The following ZNF544 variants were observed in gnomAD, a reference collection of about 807,000 sequenced individuals.
ZNF544 encodes zinc finger protein AF020591.
In ZNF544, 10 loss-of-function variants were observed where a neutral mutation model predicts 13.5. The observed-to-expected ratio is 0.74, with a 90% CI of 0.46 to 1.25. The LOEUF (loss-of-function observed/expected upper bound fraction) is 1.25, where lower values mean the gene tolerates loss of function less well. ZNF544 is among the 50% of genes most tolerant of loss of function. The pLI is 0.00. For synonymous variants in ZNF544, 323 were observed against 300.5 expected, an observed-to-expected ratio of 1.07 and a Z score of -0.77; for missense variants, 896 against 845.6, an observed-to-expected ratio of 1.06 and a Z score of -0.74.
chr19:58,267,850 G>A (rs371843037), downstream of ZNF544, among the ~76,000 whole-genome samples: 35 of 151,542 alleles, frequency 2.3e-4, no homozygotes, highest in African/African-American at 6.8e-4. Flanking sequence ...GCATGGTGGC[G>A]GGCACCTGTA....
chr19:58,241,613 C>T (rs746661296), intron 3 of ZNF544, among the ~76,000 whole-genome samples: 8 of 151,820 alleles, frequency 5.3e-5, no homozygotes, highest in African/African-American at 7.2e-5. Context: ...TTTCCTGCTT[C>T]GGCCTCCTGA....
intron 3 of ZNF544, chr19:58,242,249 C>T (rs877796): frequency 0.048 from 46,951 of 985,034 alleles, 1,951 homozygotes; most frequent in African/African-American, 0.2. Flanking sequence ...TCCCCAGCAC[C>T]GCAACATCTG....
chr19:58,245,241 C>T (rs2044855653), intron 4 of ZNF544, among the ~76,000 whole-genome samples: 1 of 149,220 alleles, frequency 6.7e-6, no homozygotes, highest in African/African-American at 2.5e-5. Flanking sequence ...CGCCCGACCC[C>T]CTGTCACCTT....
In ZNF544 at chr19:58,261,609, T is replaced by C. The variant is rs549248714; in HGVS notation, c.1003T>C (p.Phe335Leu). 6 of 1,614,224 alleles carry C rather than the reference T, an allele frequency of 3.7e-6. No individual in the cohort carries two copies. The South Asian group carries it at 6.6e-5, about 18-fold the overall frequency. ...CAGATGTGAGGAACGCTGTGCTGCCTTCCCCATGGCCTCATCTTTTTCTGA... is the reference window on the plus strand; with the variant it reads ...CAGATGTGAGGAACGCTGTGCTGCCCTCCCCATGGCCTCATCTTTTTCTGA... The part of the protein sequence containing the change: ...PFRCEERCAA[F>L]PMASSFSDCN... The change falls in exon 7 of 7, where the codon TTC (phenylalanine) becomes CTC (leucine). Residue 335 changes from phenylalanine (F) to leucine (L), a missense_variant. Coordinates refer to ENST00000687789, the MANE Select transcript of ZNF544 (RefSeq NM_014480.4).
chr19:58,256,445 GT>G (rs1166964293), intron 6 of ZNF544, among the ~76,000 whole-genome samples: 1 of 152,092 alleles, frequency 6.6e-6, no homozygotes, highest in African/African-American at 2.4e-5. Flanking sequence ...TTATACCTAG[GT>G]TTAGGAAGGG....
chr19:58,251,420 C>T (rs1264253672), intron 6 of ZNF544: 6 of 518,308 alleles, frequency 1.2e-5, no homozygotes, highest in African/African-American at 3.8e-5. Flanking sequence ...ATCCAACTAT[C>T]TAATCCTAGT....
chr19:58,244,892 A>G (rs755401975), intron 4 of ZNF544, among the ~76,000 whole-genome samples: 2 of 150,848 alleles, frequency 1.3e-5, no homozygotes, highest in Non-Finnish European at 3.0e-5. Flanking sequence ...CTCTTCTTAT[A>G]AGGACTCTAG....
At position 58,261,886 on chromosome 19, in the gene ZNF544, A is replaced by G. The variant is rs1250747594; in HGVS notation, c.1280A>G (p.Gln427Arg). Residue 427 changes from glutamine (Q) to arginine (R), a missense_variant, in exon 7 of 7, where the codon CAG becomes CGG. By Grantham distance (43) the Gln-to-Arg change is conservative (BLOSUM62 1). Transcript: ENST00000687789. ...FTQRSKLITH[Q>R]RIHTGEKPYQ... The stretch of plus-strand genomic sequence containing the variant: ...CAGAGATCCAAACTTATTACACATC[A>G]GCGAATTCACACTGGAGAAAAACCG... The G allele has an allele frequency of 1.2e-6, 2 of 1,613,104 alleles. No individual in the cohort carries two copies. The highest frequency in any genetic ancestry group is 1.7e-6 in the Non-Finnish European group (2 of 1,179,870).
At chr19:58,272,738 G>A (rs766400085) in intron 5 of ZNF544, among the ~76,000 whole-genome samples, 11 of 151,444 alleles carry the variant, frequency 7.3e-5, no homozygotes, top group Non-Finnish European at 1.6e-4. Flanking sequence ...GTGGTGGTGC[G>A]TGCCTGTAAA....
At chr19:58,249,007 A>T (rs2045869145) in intron 6 of ZNF544, among the ~76,000 whole-genome samples, 1 of 152,228 alleles carries the variant, frequency 6.6e-6, no homozygotes, top group Admixed American at 6.5e-5. Flanking sequence ...CTCTATGCAG[A>T]TGAAAACTAG....
intron 3 of ZNF544, chr19:58,242,384 G>C: frequency 5.4e-6 from 4 of 747,148 alleles, no homozygotes; most frequent in Non-Finnish European, 6.5e-6. Flanking sequence ...TGATATTCCA[G>C]GGAATTTTTT....
downstream of ZNF544, among the ~76,000 whole-genome samples, chr19:58,268,973 CAAG>C (rs199595686): frequency 0.01 from 1,594 of 152,196 alleles, 78 homozygotes; most frequent in Admixed American, 0.074. Flanking sequence ...TATTCTTTAA[CAAG>C]AAGGGAAACT....
intron 3 of ZNF544, among the ~76,000 whole-genome samples, chr19:58,241,144 A>AATATATATATATATTTTTAT: frequency 1.4e-5 from 1 of 73,750 alleles, no homozygotes; most frequent in Non-Finnish European, 2.6e-5. Context: ...GCCAATTTAA[A>AATATATATATATATTTTTAT]ATATATATAT....
At chr19:58,254,796 T>G (rs1568486150) in intron 6 of ZNF544, among the ~76,000 whole-genome samples, 1 of 151,864 alleles carries the variant, frequency 6.6e-6, no homozygotes, top group Non-Finnish European at 1.5e-5. Flanking sequence ...CCAAGGTTGG[T>G]GGGGTATTCT....
In ZNF544 at chr19:58,269,264, A is replaced by G. The variant is rs899259057; in HGVS notation, c.245-7059A>G. On this transcript the variant is annotated intron_variant, in intron 5 of 6. Coordinates refer to the ZNF544 transcript ENST00000595981. Reference sequence around the variant, plus strand: ...AGCCTGGCCGACATTGTGAAACCTCATCTCTAATAAAAATTCAAAAATTAG... The same window carrying G: ...AGCCTGGCCGACATTGTGAAACCTCGTCTCTAATAAAAATTCAAAAATTAG... Among the ~76,000 whole-genome samples, 5 of 151,002 alleles carry G rather than the reference A, an allele frequency of 3.3e-5. No homozygotes were observed. In the East Asian group the frequency reaches 6.0e-4, roughly 18 times the overall value.
At chr19:58,231,544 C>T (rs138619403) in intron 3 of ZNF544, among the ~76,000 whole-genome samples, 4 of 152,016 alleles carry the variant, frequency 2.6e-5, no homozygotes, top group Non-Finnish European at 4.4e-5. Flanking sequence ...TCATAGGCCC[C>T]GGTGTGTTTT....
At chr19:58,230,573 G>A (rs1432148000) in intron 3 of ZNF544, 111 bp downstream of exon 3, 1 of 152,614 alleles carries the variant, frequency 6.6e-6, no homozygotes, top group Non-Finnish European at 1.5e-5. Flanking sequence ...GATGGACACA[G>A]GCAGTGAGAG....
In ZNF544 at chr19:58,261,418, A is replaced by G. The variant is rs765622951; in HGVS notation, c.812A>G (p.Asp271Gly). ...ACTTTTTCAGTGAAGAAAAGTGATG[A>G]CTGTAAGGATTATGGAAACCTCTTC... ...GRTFSVKKSD[D>G]CKDYGNLFSH... Residue 271 changes from aspartate to glycine, a missense_variant, in exon 7 of 7, where the codon GAC becomes GGC. Transcript: ENST00000687789. The G allele has an allele frequency of 3.1e-6, 5 of 1,614,184 alleles. No homozygotes were observed. The highest frequency in any genetic ancestry group is 2.5e-6 in the Non-Finnish European group (3 of 1,180,034).
chr19:58,252,282 A>C (rs1182739427), intron 6 of ZNF544, among the ~76,000 whole-genome samples: 1 of 152,202 alleles, frequency 6.6e-6, no homozygotes, highest in Admixed American at 6.5e-5. Flanking sequence ...AGTACATTCT[A>C]CTTTTTTTAC....
Sources: allele counts gnomAD v4.1 joint callset (sites outside exome capture counted in the v4.1 genomes callset), GRCh38; gene constraint gnomAD v4.1.1; transcripts MANE v1.5; gene names NCBI Gene and HGNC (gene_info 2026-07-23, HGNC 2026-07-21).